ZNF385D: variants seen among roughly 807,000 people sequenced by gnomAD.
ZNF385D encodes the protein zinc finger protein 659.
Under a neutral mutation model 35.8 loss-of-function variants are expected in ZNF385D, and 15 were observed. The observed-to-expected ratio is 0.42, with a 90% CI of 0.28 to 0.64. The LOEUF (loss-of-function observed/expected upper bound fraction) is 0.64, where lower values mean the gene tolerates loss of function less well. Ranked by LOEUF, ZNF385D falls within the 30% of genes least tolerant of loss-of-function variation. ZNF385D has a pLI of 0.23. For synonymous variants in ZNF385D, 212 were observed against 186.8 expected, an observed-to-expected ratio of 1.13 and a Z score of -1.10; for missense variants, 474 against 494.6, an observed-to-expected ratio of 0.96 and a Z score of 0.39.
chr3:21,745,168 C>A (rs186301193), intron 1 of ZNF385D, among the ~76,000 whole-genome samples: 15 of 152,322 alleles, frequency 9.8e-5, no homozygotes, highest in Non-Finnish European at 2.1e-4. Flanking sequence ...ACAGCATTTT[C>A]TGTGAGCATC....
At chr3:22,059,712 C>T (rs1392636443) in intron 3 of ZNF385D, among the ~76,000 whole-genome samples, 2 of 152,098 alleles carry the variant, frequency 1.3e-5, no homozygotes, top group Non-Finnish European at 2.9e-5. Context: ...AGAGATTTTT[C>T]GATTTTGTTT....
Position 22,195,398 on chromosome 3 carries a change from T to C in ZNF385D, c.107-26363A>G, listed in dbSNP as rs187715702. 1.3e-3 allele frequency among the ~76,000 whole-genome samples: 205 copies of C among 152,090 alleles called. 3 individuals are homozygous for C. The South Asian group carries it at 0.028, about 21-fold the overall frequency. ...CAAACATATATATATTTTTTCTTTC[T>C]AGATATAAGTCTTTTATTGGCAGGG... On this transcript the variant is annotated intron_variant, in intron 2 of 5. Coordinates refer to the ZNF385D transcript ENST00000494108.
At chr3:21,866,990 C>A (rs1171034950) in intron 3 of ZNF385D, among the ~76,000 whole-genome samples, 1 of 152,064 alleles carries the variant, frequency 6.6e-6, no homozygotes, top group Admixed American at 6.6e-5. Context: ...TGCTACATAA[C>A]AGAACACCTG....
chr3:21,809,357 T>A (rs898679890), intron 3 of ZNF385D, among the ~76,000 whole-genome samples: 19 of 149,152 alleles, frequency 1.3e-4, no homozygotes, highest in African/African-American at 4.7e-4. Flanking sequence ...CTTGGGTTTT[T>A]AAAATTATGT....
intron 3 of ZNF385D, among the ~76,000 whole-genome samples, chr3:22,007,704 A>G (rs1429234840): frequency 6.6e-6 from 1 of 152,160 alleles, no homozygotes; most frequent in Non-Finnish European, 1.5e-5. Context: ...ATAATTCAGT[A>G]TAGTTTTAGT....
chr3:21,596,115 T>G (rs62236140), intron 2 of ZNF385D, among the ~76,000 whole-genome samples: 7 of 152,192 alleles, frequency 4.6e-5, no homozygotes, highest in Admixed American at 3.9e-4. Context: ...ATAGAAACTC[T>G]TTGTGTTTTA....
At chr3:21,805,975 A>G (rs2072622803) in intron 3 of ZNF385D, among the ~76,000 whole-genome samples, 1 of 152,168 alleles carries the variant, frequency 6.6e-6, no homozygotes, top group Non-Finnish European at 1.5e-5. Flanking sequence ...AGTGCTTTGG[A>G]TACTGTAAAA....
At chr3:21,936,162 C>T (rs1039125146) in intron 3 of ZNF385D, among the ~76,000 whole-genome samples, 1 of 152,076 alleles carries the variant, frequency 6.6e-6, no homozygotes. Flanking sequence ...ATTCAAGAGC[C>T]TCAGCCCTGC....
At chr3:21,825,831 G>A (rs1413159597) in intron 3 of ZNF385D, among the ~76,000 whole-genome samples, 2 of 152,174 alleles carry the variant, frequency 1.3e-5, no homozygotes, top group East Asian at 3.9e-4. Flanking sequence ...TAGGAACCAG[G>A]CTAGGCTGTA....
chr3:22,081,637 C>A (rs1003077904), intron 3 of ZNF385D, among the ~76,000 whole-genome samples: 13 of 152,176 alleles, frequency 8.5e-5, no homozygotes, highest in Admixed American at 5.9e-4. Flanking sequence ...TAAGCTGGGA[C>A]CAAAGCCTGT....
intron 2 of ZNF385D, among the ~76,000 whole-genome samples, chr3:21,622,992 G>A (rs1011460720): frequency 2.6e-5 from 4 of 152,078 alleles, no homozygotes; most frequent in African/African-American, 4.8e-5. Flanking sequence ...ATGCTAAGAC[G>A]ATTTTCTCAA....
intron 2 of ZNF385D, among the ~76,000 whole-genome samples, chr3:22,266,620 G>T (rs760930373): frequency 1.3e-5 from 2 of 151,830 alleles, no homozygotes; most frequent in African/African-American, 2.4e-5. Flanking sequence ...GCCAGTCAAA[G>T]GCTAAATTGA....
chr3:21,755,354 C>T (rs1487428126), upstream of ZNF385D, among the ~76,000 whole-genome samples: 1 of 152,182 alleles, frequency 6.6e-6, no homozygotes, highest in Non-Finnish European at 1.5e-5. Flanking sequence ...CGTATTTTAT[C>T]CACCAAGGTC....
At chr3:22,209,549 A>G (rs1576499527) in intron 2 of ZNF385D, among the ~76,000 whole-genome samples, 1 of 151,928 alleles carries the variant, frequency 6.6e-6, no homozygotes, top group Admixed American at 6.6e-5. Flanking sequence ...CATGAACTAT[A>G]AGCAAACCAC....
At chr3:22,358,900 G>C (rs148158096) in intron 2 of ZNF385D, among the ~76,000 whole-genome samples, 31 of 151,536 alleles carry the variant, frequency 2.0e-4, no homozygotes, top group Non-Finnish European at 3.7e-4. Context: ...ACAGTTATTG[G>C]AACCATCTGT....
At chr3:22,086,140 C>A (rs533099306) in intron 3 of ZNF385D, among the ~76,000 whole-genome samples, 11 of 152,288 alleles carry the variant, frequency 7.2e-5, no homozygotes, top group Admixed American at 1.3e-4. Flanking sequence ...TGAAAACTGG[C>A]ACAAGACAGG....
rs527365801 is a variant in ZNF385D at position 21,994,360 on chromosome 3, G to A, written c.325+174457C>T. On this transcript the variant is annotated intron_variant, in intron 3 of 5. Coordinates refer to the ZNF385D transcript ENST00000494108. ...ATTGTACTTGTTAATTTTATTCACC[G>A]AATTCTTTAGTTCCAGAATTTATGG... 8.1e-4 allele frequency among the ~76,000 whole-genome samples: 123 copies of A among 152,224 alleles called. 1 individual carries two copies. Among genetic ancestry groups the A allele is most frequent in the South Asian group, 2.5e-3 (12 of 4,820 alleles).
chr3:21,901,093 C>T (rs559053386), intron 3 of ZNF385D, among the ~76,000 whole-genome samples: 10 of 152,296 alleles, frequency 6.6e-5, no homozygotes, highest in South Asian at 2.1e-4. Flanking sequence ...GCAAGTGCTG[C>T]GCTAAGCAAA....
chr3:22,062,175 C>G (rs1699723012), intron 3 of ZNF385D, among the ~76,000 whole-genome samples: 1 of 152,030 alleles, frequency 6.6e-6, no homozygotes, highest in Admixed American at 6.6e-5. Flanking sequence ...ATAGCTGGGA[C>G]TACCCGGGAC....
Sources: allele counts gnomAD v4.1 joint callset (sites outside exome capture counted in the v4.1 genomes callset), GRCh38; gene constraint gnomAD v4.1.1; transcripts MANE v1.5; gene names NCBI Gene and HGNC (gene_info 2026-07-23, HGNC 2026-07-21).